Variants in PREX2 observed in about 807,000 individuals in gnomAD.
PREX2 encodes the protein phosphatidylinositol-3,4,5-trisphosphate dependent Rac exchange factor 2.
PREX2 carries 107 observed loss-of-function variants against 203.2 expected under a neutral mutation model. The observed-to-expected ratio is 0.53, with a 90% CI of 0.45 to 0.62. PREX2 has a LOEUF of 0.62. Among genes scored for constraint, PREX2 ranks in the 20% least tolerant of loss-of-function variants. PREX2 has a pLI of 0.00. For missense variants in PREX2, 1,777 were observed against 1,955.9 expected (o/e 0.91, Z 1.72); for synonymous variants, 672 against 663.6 (o/e 1.01, Z -0.19).
At chr8:68,149,125 A>C (rs1811382457) in intron 34 of PREX2, among the ~76,000 whole-genome samples, 1 of 152,234 alleles carries the variant, frequency 6.6e-6, no homozygotes, top group Non-Finnish European at 1.5e-5. Context: ...TACTAAAGTC[A>C]ACCCTCCTAA....
rs541106121 is a variant in PREX2 at position 68,190,183 on chromosome 8, G to T, written c.4347-1539G>T. 2.0e-5 allele frequency among the ~76,000 whole-genome samples: 3 copies of T among 152,194 alleles called. No homozygotes were observed. The East Asian group carries it at 5.8e-4, about 29-fold the overall frequency. On this transcript the variant is annotated intron_variant, in intron 35 of 39. Coordinates refer to ENST00000288368, the MANE Select transcript of PREX2 (RefSeq NM_024870.4). ...ACCAACACTTTGAAGTCCTACAGAT[G>T]CTCTGAAACAACAATATAATCAGCT...
At chr8:68,222,710 A>G (rs981834561) in intron 38 of PREX2, among the ~76,000 whole-genome samples, 2 of 138,966 alleles carry the variant, frequency 1.4e-5, no homozygotes, top group Non-Finnish European at 3.1e-5. Flanking sequence ...ATTAACTACC[A>G]AAAAAAAAAA....
intron 19 of PREX2, 135 bp from the exon 20 acceptor site, chr8:68,090,444 A>T: frequency 1.4e-6 from 1 of 724,230 alleles, no homozygotes; most frequent in Non-Finnish European, 2.1e-6. Context: ...CATTGCTCTC[A>T]GAACCAAGTT....
Position 68,200,996 on chromosome 8 carries a change from C to T in PREX2, c.4604+8471C>T, listed in dbSNP as rs145486161. 2.0e-5 allele frequency among the ~76,000 whole-genome samples: 3 copies of T among 152,036 alleles called. No individual in the cohort carries two copies. The East Asian group carries it at 5.8e-4, about 29-fold the overall frequency. On this transcript the variant is annotated intron_variant, in intron 37 of 39. Coordinates refer to ENST00000288368, the MANE Select transcript of PREX2 (RefSeq NM_024870.4). ...TATTTACATTACTACATTTTATTTG[C>T]ATAGATATAGGGATAAATACAGTAT...
chr8:67,967,059 C>T (rs746837247), intron 1 of PREX2, among the ~76,000 whole-genome samples: 21 of 152,202 alleles, frequency 1.4e-4, no homozygotes, highest in Non-Finnish European at 2.5e-4. Flanking sequence ...GATGAAAAAG[C>T]AGGCATTCAC....
At chr8:68,134,690 A>C (rs769908886) in intron 32 of PREX2, among the ~76,000 whole-genome samples, 16 of 152,170 alleles carry the variant, frequency 1.1e-4, no homozygotes, top group Non-Finnish European at 2.1e-4. Flanking sequence ...AAGCTTGGAG[A>C]GCTCAAATAC....
intron 1 of PREX2, among the ~76,000 whole-genome samples, chr8:67,992,137 T>C (rs1264238976): frequency 1.3e-5 from 2 of 152,176 alleles, no homozygotes; most frequent in South Asian, 2.1e-4. Flanking sequence ...ACTTGCTCTT[T>C]GTCTAGTATA....
intron 1 of PREX2, among the ~76,000 whole-genome samples, chr8:68,003,152 A>G (rs978133069): frequency 3.3e-5 from 5 of 152,144 alleles, no homozygotes; most frequent in Admixed American, 2.6e-4. Flanking sequence ...CTAAACTTTT[A>G]TAAGTCCCTG....
At chr8:68,227,271 C>T (rs1813073176) in intron 39 of PREX2, among the ~76,000 whole-genome samples, 1 of 152,078 alleles carries the variant, frequency 6.6e-6, no homozygotes, top group South Asian at 2.1e-4. Flanking sequence ...AAGACAGAAT[C>T]AATAGTCTTT....
At chr8:67,976,907 A>G (rs1806128444) in intron 1 of PREX2, among the ~76,000 whole-genome samples, 4 of 152,216 alleles carry the variant, frequency 2.6e-5, no homozygotes, top group Admixed American at 2.0e-4. Context: ...TCCTCCAGCC[A>G]CCCCAGCTGG....
chr8:68,101,038 T>G (rs993297468), intron 23 of PREX2, among the ~76,000 whole-genome samples: 10 of 152,200 alleles, frequency 6.6e-5, no homozygotes, highest in African/African-American at 1.9e-4. Flanking sequence ...TAAAAATTGT[T>G]TCTATTTATA....
intron 1 of PREX2, among the ~76,000 whole-genome samples, chr8:68,001,219 A>T (rs1487953650): frequency 6.6e-6 from 1 of 152,254 alleles, no homozygotes; most frequent in Non-Finnish European, 1.5e-5. Flanking sequence ...AATATCCAGC[A>T]TCTATAAGGA....
At chr8:68,154,024 T>C (rs1865429) in intron 34 of PREX2, among the ~76,000 whole-genome samples, 67,537 of 152,172 alleles carry the variant, frequency 0.44, 15,181 homozygotes, top group African/African-American at 0.52. Flanking sequence ...TGGCCAAAGT[T>C]GAACCATCAA....
intron 1 of PREX2, among the ~76,000 whole-genome samples, chr8:67,993,326 T>C (rs1165514245): frequency 6.6e-6 from 1 of 152,170 alleles, no homozygotes; most frequent in East Asian, 1.9e-4. Flanking sequence ...AAATTTGTAG[T>C]TATAATTCTA....
chr8:68,122,364 T>C (rs1382730648), intron 30 of PREX2, among the ~76,000 whole-genome samples: 1 of 152,100 alleles, frequency 6.6e-6, no homozygotes, highest in East Asian at 1.9e-4. Flanking sequence ...TATGGCCTAA[T>C]GTAATGTTTA....
intron 38 of PREX2, among the ~76,000 whole-genome samples, chr8:68,223,744 C>A (rs1316612586): frequency 6.6e-6 from 1 of 152,006 alleles, no homozygotes. Context: ...TTTTTCATTG[C>A]CAAAGTAGAT....
At chr8:68,030,064 A>G (rs896120626) in intron 5 of PREX2, among the ~76,000 whole-genome samples, 1 of 152,160 alleles carries the variant, frequency 6.6e-6, no homozygotes, top group Admixed American at 6.6e-5. Context: ...TTTCTCAAAA[A>G]TATTAGAAAA....
chr8:68,106,650 C>T (rs773585351), intron 23 of PREX2, among the ~76,000 whole-genome samples: 8 of 151,972 alleles, frequency 5.3e-5, no homozygotes, highest in Non-Finnish European at 1.0e-4. Flanking sequence ...AGTCCCTGTT[C>T]TAATGGTGAG....
intron 30 of PREX2, among the ~76,000 whole-genome samples, chr8:68,123,121 TTATTGTGTGGGAGTCTA>T (rs1164114773): frequency 6.6e-6 from 1 of 152,128 alleles, no homozygotes; most frequent in Non-Finnish European, 1.5e-5. Context: ...TCTCCAACTA[TTATTGTGTGGGAGTCTA>T]AGACTCTCTG....
Sources: gnomAD v4.1 joint callset for allele counts (sites outside exome capture counted in the v4.1 genomes callset) on GRCh38, gnomAD v4.1.1 for gene constraint, MANE v1.5 for transcripts, NCBI Gene and HGNC (gene_info 2026-07-23, HGNC 2026-07-21) for gene names.